The following WWOX variants were observed in gnomAD, a reference collection of about 807,000 sequenced individuals.
The protein encoded by WWOX is WW domain-containing oxidoreductase.
In WWOX, 69 loss-of-function variants were observed where a neutral mutation model predicts 46.2. The observed-to-expected ratio is 1.49, with a 90% confidence interval of 1.23 to 1.82. The LOEUF is 1.82. Ranked by LOEUF, WWOX falls within the 40% of genes most tolerant of loss-of-function variation. The probability of loss-of-function intolerance (pLI) is 0.00; values close to 1 mark genes in which losing one functional copy is unlikely to be tolerated. For missense variants in WWOX, 919 were observed against 542.6 expected, an observed-to-expected ratio of 1.69 and a Z score of -6.89; for synonymous variants, 359 against 202.6, an observed-to-expected ratio of 1.77 and a Z score of -6.56.
chr16:79,174,475 C>G (rs889031224), intron 8 of WWOX, among the ~76,000 whole-genome samples: 1 of 152,100 alleles, frequency 6.6e-6, no homozygotes, highest in African/African-American at 2.4e-5. Flanking sequence ...ATAGTGAAAC[C>G]CCGTCTCTAC....
At chr16:79,081,901 A>G (rs2048767431) in intron 8 of WWOX, among the ~76,000 whole-genome samples, 1 of 152,144 alleles carries the variant, frequency 6.6e-6, no homozygotes, top group South Asian at 2.1e-4. Context: ...CTGATGGGCG[A>G]GTTCACTCAC....
At chr16:78,492,355 C>G (rs2978627) in intron 8 of WWOX, among the ~76,000 whole-genome samples, 120,715 of 152,178 alleles carry the variant, frequency 0.79, 48,917 homozygotes, top group Admixed American at 0.88. Flanking sequence ...CCCATGACAT[C>G]GTCCACTGGA....
intron 8 of WWOX, among the ~76,000 whole-genome samples, chr16:78,852,475 G>A (rs1184507933): frequency 6.6e-6 from 1 of 152,162 alleles, no homozygotes; most frequent in Non-Finnish European, 1.5e-5. Context: ...AGTCAGACCA[G>A]ATTGCCAGCC....
intron 5 of WWOX, among the ~76,000 whole-genome samples, chr16:78,184,757 G>A (rs1486914905): frequency 2.0e-5 from 3 of 152,186 alleles, no homozygotes; most frequent in Admixed American, 6.5e-5. Context: ...GGGTTATATA[G>A]CAGATGTGAT....
chr16:78,812,336 C>G (rs1163108416), intron 8 of WWOX, among the ~76,000 whole-genome samples: 2 of 152,104 alleles, frequency 1.3e-5, no homozygotes, highest in African/African-American at 4.8e-5. Flanking sequence ...TTGAGACCCT[C>G]AGGGTGACAC....
chr16:78,427,736 C>A (rs561978481), intron 7 of WWOX, among the ~76,000 whole-genome samples: 2 of 152,190 alleles, frequency 1.3e-5, no homozygotes, highest in East Asian at 3.9e-4. Flanking sequence ...GTTGATCATG[C>A]CACTGCATTC....
intron 8 of WWOX, among the ~76,000 whole-genome samples, chr16:78,817,756 T>C (rs2051377357): frequency 6.6e-6 from 1 of 152,076 alleles, no homozygotes. Flanking sequence ...CCCTTTCTCT[T>C]CCCCTGAGAT....
chr16:78,477,322 C>G (rs1225657318), intron 8 of WWOX, among the ~76,000 whole-genome samples: 1 of 152,052 alleles, frequency 6.6e-6, no homozygotes, highest in African/African-American at 2.4e-5. Flanking sequence ...AAAAACCTAG[C>G]AAACCTTTGC....
intron 8 of WWOX, among the ~76,000 whole-genome samples, chr16:79,048,854 G>C (rs758167556): frequency 6.6e-6 from 1 of 152,074 alleles, no homozygotes; most frequent in Non-Finnish European, 1.5e-5. Flanking sequence ...TCCGGGCTCA[G>C]CTGCAATATA....
chr16:78,568,589 C>A (rs923414085), intron 8 of WWOX, among the ~76,000 whole-genome samples: 4 of 151,258 alleles, frequency 2.6e-5, no homozygotes, highest in Non-Finnish European at 5.9e-5. Context: ...GAGTTTCCTG[C>A]CTTAGCCTCC....
intron 4 of WWOX, among the ~76,000 whole-genome samples, chr16:78,126,122 T>G (rs895371282): frequency 1.3e-5 from 2 of 152,198 alleles, no homozygotes; most frequent in Non-Finnish European, 2.9e-5. Flanking sequence ...CTGCATAGTA[T>G]TCCATTATGT....
chr16:79,097,550 G>C (rs1437502403), intron 8 of WWOX, among the ~76,000 whole-genome samples: 1 of 152,074 alleles, frequency 6.6e-6, no homozygotes, highest in East Asian at 1.9e-4. Flanking sequence ...TCTTTTGTTT[G>C]TATTAGGAAA....
intron 6 of WWOX, among the ~76,000 whole-genome samples, chr16:78,394,913 CT>C (rs1244948017): frequency 1.2e-4 from 18 of 152,272 alleles, no homozygotes; most frequent in African/African-American, 4.3e-4. Context: ...GGCTGTGTGG[CT>C]TTGGGCAAAC....
chr16:78,465,840 T>C (rs1164165754), intron 8 of WWOX, among the ~76,000 whole-genome samples: 1 of 152,168 alleles, frequency 6.6e-6, no homozygotes, highest in Non-Finnish European at 1.5e-5. Flanking sequence ...TTGCATTCTG[T>C]TGGGCTTGAC....
At chr16:78,907,848 C>T (rs912370909) in intron 8 of WWOX, among the ~76,000 whole-genome samples, 3 of 152,042 alleles carry the variant, frequency 2.0e-5, no homozygotes, top group South Asian at 2.1e-4. Flanking sequence ...CCCGCAAAGA[C>T]GAGGGAGCAG....
intron 8 of WWOX, among the ~76,000 whole-genome samples, chr16:78,807,647 C>T (rs775338032): frequency 4.8e-4 from 73 of 152,162 alleles, no homozygotes; most frequent in Admixed American, 2.9e-3. Context: ...GAAATATTCT[C>T]TTAGATTGAA....
chr16:78,473,728 C>T (rs928919529), intron 8 of WWOX, among the ~76,000 whole-genome samples: 1 of 152,072 alleles, frequency 6.6e-6, no homozygotes. Context: ...CTCTTTACTC[C>T]CAGGTCTTTG....
chr16:79,184,686 C>A (rs1597455134), intron 8 of WWOX, among the ~76,000 whole-genome samples: 2 of 152,190 alleles, frequency 1.3e-5, no homozygotes, highest in East Asian at 3.9e-4. Context: ...TCATATCTGA[C>A]CCTGAGAATT....
chr16:78,529,223 G>A (rs368837515), intron 8 of WWOX, among the ~76,000 whole-genome samples: 7 of 152,164 alleles, frequency 4.6e-5, no homozygotes, highest in South Asian at 2.1e-4. Flanking sequence ...CCAAAATGCC[G>A]AGATTATGGG....
Sources: allele counts gnomAD v4.1 joint callset (sites outside exome capture counted in the v4.1 genomes callset), GRCh38; gene constraint gnomAD v4.1.1; transcripts MANE v1.5; gene names NCBI Gene and HGNC (gene_info 2026-07-23, HGNC 2026-07-21).